The following NR3C1 variants were observed in gnomAD, a reference collection of about 807,000 sequenced individuals.
NR3C1 encodes the protein glucocorticoid receptor.
NR3C1 carries 14 observed loss-of-function variants against 74.0 expected under a neutral mutation model. That is an observed-to-expected ratio of 0.19 (90% CI 0.12 to 0.30). NR3C1 has a LOEUF of 0.30. NR3C1 is among the 10% of genes least tolerant of loss of function. The pLI, the probability that NR3C1 is intolerant of heterozygous loss-of-function variation, is 1.00. For synonymous variants in NR3C1, 308 were observed against 332.5 expected (o/e 0.93, Z 0.80); for missense variants, 695 against 909.8 (o/e 0.76, Z 3.04).
At chr5:143,353,387 G>A (rs550157535) in intron 2 of NR3C1, among the ~76,000 whole-genome samples, 17 of 152,214 alleles carry the variant, frequency 1.1e-4, no homozygotes, top group Non-Finnish European at 2.4e-4. Flanking sequence ...ATCTAGAATG[G>A]CCAATCCTTT....
At chr5:143,427,243 T>C (rs1751578759) in intron 1 of NR3C1, among the ~76,000 whole-genome samples, 1 of 152,026 alleles carries the variant, frequency 6.6e-6, no homozygotes, top group Non-Finnish European at 1.5e-5. Context: ...TTCATAGAGA[T>C]TTCAGGAAAC....
At chr5:143,410,694 A>G (rs1841261829) in intron 1 of NR3C1, among the ~76,000 whole-genome samples, 1 of 152,222 alleles carries the variant, frequency 6.6e-6, no homozygotes, top group South Asian at 2.1e-4. Flanking sequence ...ACATGGGATC[A>G]TGTGTTCAAA....
upstream of NR3C1, among the ~76,000 whole-genome samples, chr5:143,406,658 G>A (rs751606963): frequency 3.9e-5 from 6 of 152,140 alleles, no homozygotes; most frequent in Non-Finnish European, 8.8e-5. Context: ...GATAGGTATT[G>A]TTATTCGATT....
At chr5:143,355,761 G>T (rs61752276) in intron 2 of NR3C1, among the ~76,000 whole-genome samples, 18 of 151,982 alleles carry the variant, frequency 1.2e-4, no homozygotes, top group African/African-American at 4.4e-4. Flanking sequence ...TAACTTCCAG[G>T]CCATTCCTAA....
At chr5:143,355,789 A>G (rs1831032810) in intron 2 of NR3C1, among the ~76,000 whole-genome samples, 1 of 152,250 alleles carries the variant, frequency 6.6e-6, no homozygotes, top group Non-Finnish European at 1.5e-5. Flanking sequence ...TATAAGCCCT[A>G]AAAGACCTTA....
intron 2 of NR3C1, among the ~76,000 whole-genome samples, chr5:143,396,839 A>G (rs1839281753): frequency 6.6e-6 from 1 of 151,728 alleles, no homozygotes; most frequent in Admixed American, 6.6e-5. Flanking sequence ...ACCACCTAAA[A>G]CCATTTCTGT....
intron 2 of NR3C1, among the ~76,000 whole-genome samples, chr5:143,368,666 A>G (rs1833713154): frequency 6.6e-6 from 1 of 152,182 alleles, no homozygotes; most frequent in Non-Finnish European, 1.5e-5. Context: ...CAAAAAGCAG[A>G]TGAAAAGATG....
At chr5:143,388,338 T>A (rs1203376321) in intron 2 of NR3C1, among the ~76,000 whole-genome samples, 1 of 152,222 alleles carries the variant, frequency 6.6e-6, no homozygotes, top group African/African-American at 2.4e-5. Context: ...ATATTCACTA[T>A]CTGCTGACAT....
intron 2 of NR3C1, among the ~76,000 whole-genome samples, chr5:143,343,875 T>C (rs954567640): frequency 2.0e-5 from 3 of 152,214 alleles, no homozygotes; most frequent in African/African-American, 7.2e-5. Flanking sequence ...CAGCAAATTA[T>C]AGAGATTAAA....
At chr5:143,412,775 AT>A (rs1393165737) in intron 1 of NR3C1, among the ~76,000 whole-genome samples, 1 of 152,196 alleles carries the variant, frequency 6.6e-6, no homozygotes, top group African/African-American at 2.4e-5. Context: ...AGAAAGAATC[AT>A]GTCTCCACAT....
chr5:143,380,765 C>A (rs1009154932), intron 2 of NR3C1, among the ~76,000 whole-genome samples: 2 of 152,130 alleles, frequency 1.3e-5, no homozygotes, highest in African/African-American at 4.8e-5. Flanking sequence ...GATAATGGTA[C>A]CACAAGTTAA....
At chr5:143,398,356 G>GTTTTTTT (rs35241746) in intron 2 of NR3C1, among the ~76,000 whole-genome samples, 3 of 85,334 alleles carry the variant, frequency 3.5e-5, no homozygotes, top group African/African-American at 7.3e-5. Flanking sequence ...AGGTTTTTTG[G>GTTTTTTT]TTTTTTTTTT....
chr5:143,372,169 C>A (rs887392717), intron 2 of NR3C1, among the ~76,000 whole-genome samples: 1 of 152,174 alleles, frequency 6.6e-6, no homozygotes, highest in African/African-American at 2.4e-5. Flanking sequence ...TCATTCTTAT[C>A]ATAGATCTTA....
chr5:143,411,044 T>C (rs1254878895), intron 1 of NR3C1, among the ~76,000 whole-genome samples: 1 of 152,230 alleles, frequency 6.6e-6, no homozygotes, highest in Non-Finnish European at 1.5e-5. Flanking sequence ...TACTGCCTAA[T>C]TATTTTACTC....
chr5:143,392,641 G>C (rs1296753515), intron 2 of NR3C1, among the ~76,000 whole-genome samples: 2 of 151,836 alleles, frequency 1.3e-5, no homozygotes, highest in Non-Finnish European at 2.9e-5. Flanking sequence ...ACAGTAACTA[G>C]AATAAAAACT....
At chr5:143,285,758 C>T (rs1814276096) in intron 7 of NR3C1, among the ~76,000 whole-genome samples, 1 of 151,954 alleles carries the variant, frequency 6.6e-6, no homozygotes, top group Non-Finnish European at 1.5e-5. Context: ...GCAATGAAGA[C>T]AGTGCTTAGA....
upstream of NR3C1, chr5:143,404,048 C>T (rs1347331164): frequency 2.0e-6 from 2 of 985,466 alleles, no homozygotes; most frequent in Non-Finnish European, 2.4e-6. Context: ...TTCTCGCTAC[C>T]TCCTTCCCGC....
chr5:143,348,857 T>C (rs1240399394), intron 2 of NR3C1, among the ~76,000 whole-genome samples: 3 of 152,182 alleles, frequency 2.0e-5, no homozygotes, highest in Non-Finnish European at 2.9e-5. Flanking sequence ...CCCATAAATA[T>C]AGAAAGAGAA....
chr5:143,432,617 T>C (rs1451272767), intron 1 of NR3C1, among the ~76,000 whole-genome samples: 1 of 152,170 alleles, frequency 6.6e-6, no homozygotes, highest in Non-Finnish European at 1.5e-5. Context: ...CGGGATGAGT[T>C]TGTTTAAACA....
Sources: gnomAD v4.1 joint callset for allele counts (sites outside exome capture counted in the v4.1 genomes callset) on GRCh38, gnomAD v4.1.1 for gene constraint, MANE v1.5 for transcripts, NCBI Gene and HGNC (gene_info 2026-07-23, HGNC 2026-07-21) for gene names.